Variants in MYO16 observed in about 807,000 individuals in gnomAD.
MYO16 encodes the protein myosin XVI.
In MYO16, 94 loss-of-function variants were observed where a neutral mutation model predicts 205.3. The ratio of observed to expected loss-of-function variants is 0.46; its 90% CI spans 0.39 to 0.54. The LOEUF (loss-of-function observed/expected upper bound fraction) is 0.54, where lower values mean the gene tolerates loss of function less well. Ranked by LOEUF, MYO16 falls within the 20% of genes least tolerant of loss-of-function variation. MYO16 has a pLI of 0.00. For synonymous variants in MYO16, 988 were observed against 954.0 expected (o/e 1.04, Z -0.66); for missense variants, 2,315 against 2,387.5 (o/e 0.97, Z 0.63).
chr13:109,128,284 G>A (rs1224985738), intron 31 of MYO16, among the ~76,000 whole-genome samples: 1 of 152,140 alleles, frequency 6.6e-6, no homozygotes, highest in Non-Finnish European at 1.5e-5. Flanking sequence ...AAAACAGATG[G>A]TAAACATAAT....
At chr13:109,115,258 A>C (rs1045543198) in intron 28 of MYO16, among the ~76,000 whole-genome samples, 4 of 151,192 alleles carry the variant, frequency 2.6e-5, no homozygotes, top group Non-Finnish European at 5.9e-5. Flanking sequence ...AAAAAAAAAA[A>C]AAAAAAAAAA....
intron 1 of MYO16, among the ~76,000 whole-genome samples, chr13:108,661,222 A>C (rs1881486515): frequency 6.6e-6 from 1 of 152,074 alleles, no homozygotes; most frequent in Non-Finnish European, 1.5e-5. Flanking sequence ...AAGATTCTTT[A>C]CTTCATCTTA....
At chr13:108,719,056 C>T (rs1158325643) in intron 3 of MYO16, among the ~76,000 whole-genome samples, 1 of 151,974 alleles carries the variant, frequency 6.6e-6, no homozygotes. Flanking sequence ...AAGAAAGGCC[C>T]CAGTGAAGAT....
chr13:108,803,765 A>G (rs989092253), intron 6 of MYO16, among the ~76,000 whole-genome samples: 1 of 152,136 alleles, frequency 6.6e-6, no homozygotes, highest in Non-Finnish European at 1.5e-5. Context: ...CCAGGAGGCA[A>G]TATGCCACAT....
At chr13:108,634,380 G>C (rs11069745) in intron 1 of MYO16, among the ~76,000 whole-genome samples, 52,557 of 151,982 alleles carry the variant, frequency 0.35, 9,152 homozygotes, top group South Asian at 0.45. Flanking sequence ...TCTGCCTCCT[G>C]CAAGCTTGCA....
chr13:108,684,324 G>GT (rs1458392758), intron 2 of MYO16, among the ~76,000 whole-genome samples: 4 of 152,182 alleles, frequency 2.6e-5, no homozygotes, highest in African/African-American at 9.6e-5. Flanking sequence ...GCAAGCCTGG[G>GT]TTAGTTTGGA....
intron 32 of MYO16, among the ~76,000 whole-genome samples, chr13:109,158,705 C>A (rs1289872549): frequency 6.6e-6 from 1 of 150,736 alleles, no homozygotes. Context: ...GAAGCATATG[C>A]AATTGGGGAA....
At position 109,206,623 on chromosome 13, in the gene MYO16, G is replaced by A. The variant is rs1278402054; in HGVS notation, c.5430G>A (p.Leu1810=). Reference sequence around the variant, plus strand: ...TCCTCCCACAGGTAATCCATCAGCTGAGGCTCTCAGAGAATGAAAGTGTGG... The same window carrying A: ...TCCTCCCACAGGTAATCCATCAGCTAAGGCTCTCAGAGAATGAAAGTGTGG... The part of the protein sequence containing the change: ...DSHTTQVIHQ[L]RLSENESVAL... Residue 1810 remains leucine, a synonymous_variant, in exon 35 of 35, where the codon CTG becomes CTA. Coordinates refer to ENST00000457511, the MANE Select transcript of MYO16 (RefSeq NM_001198950.3). 3 of 1,612,868 alleles carry A rather than the reference G, an allele frequency of 1.9e-6. No homozygotes were observed. Among genetic ancestry groups the A allele is most frequent in the Non-Finnish European group, 1.7e-6 (2 of 1,178,938 alleles).
intron 4 of MYO16, among the ~76,000 whole-genome samples, chr13:108,738,172 T>C (rs1300174959): frequency 3.3e-5 from 1 of 30,086 alleles, no homozygotes; most frequent in Non-Finnish European, 7.1e-5. Context: ...TCTTGCGTTC[T>C]GCTAGCTTTT....
chr13:108,599,649 C>T (rs1309964658), intron 1 of MYO16, among the ~76,000 whole-genome samples: 1 of 145,702 alleles, frequency 6.9e-6, no homozygotes, highest in Non-Finnish European at 1.5e-5. Context: ...GTAGAGCTAT[C>T]TCAAATGCAT....
the MYO16 span, among the ~76,000 whole-genome samples, chr13:108,576,754 T>C: frequency 6.6e-6 from 1 of 152,094 alleles, no homozygotes; most frequent in Non-Finnish European, 1.5e-5. Context: ...GTGTTTTTCT[T>C]TTCTTTCTTT....
rs1884374406 is a variant in MYO16, at chr13:108,727,347, G to A, written c.364-93G>A. On this transcript the variant is annotated intron_variant, in intron 3 of 34. Transcript: ENST00000457511. Reference sequence around the variant, plus strand: ...CTTCACCTCTCAACTCCCAAAATTGGTATTGAAGTTTTTTTTTAAATCTGT... The same window carrying A: ...CTTCACCTCTCAACTCCCAAAATTGATATTGAAGTTTTTTTTTAAATCTGT... The A allele has an allele frequency of 3.7e-6, 5 of 1,349,100 alleles. No individual in the cohort carries two copies. The South Asian group carries it at 4.3e-5, about 12-fold the overall frequency. The allele number at this position is 1,349,100 out of a possible 1,614,324, so 83.6% of individuals were successfully genotyped here.
At chr13:108,496,803 A>G in the MYO16 span, among the ~76,000 whole-genome samples, 4,712 of 152,284 alleles carry the variant, frequency 0.031, 213 homozygotes, top group African/African-American at 0.11. Flanking sequence ...CAGAAGAATT[A>G]TTAGCCATTG....
rs1472380146 is a variant in MYO16 at position 108,835,435 on chromosome 13, C to G, written c.1098-8908C>G. 3.9e-5 allele frequency among the ~76,000 whole-genome samples: 6 copies of G among 152,152 alleles called. No homozygotes were observed. In the East Asian group the frequency reaches 1.2e-3, roughly 29 times the overall value. On this transcript the variant is annotated intron_variant, in intron 9 of 34. Transcript: ENST00000457511. ...TAAACCTCTTTCCTTTATAAATTAC[C>G]CAGTCTCAGGTACGTCCTTATAGCA...
At chr13:108,578,745 C>A in the MYO16 span, among the ~76,000 whole-genome samples, 5 of 152,262 alleles carry the variant, frequency 3.3e-5, no homozygotes, top group South Asian at 8.3e-4. Context: ...TCACTAAGAG[C>A]ATTGCGACAT....
chr13:109,189,269 C>T (rs753231810), intron 34 of MYO16, among the ~76,000 whole-genome samples: 1 of 152,118 alleles, frequency 6.6e-6, no homozygotes, highest in Non-Finnish European at 1.5e-5. Context: ...TCCCAGTCCA[C>T]TGACTCAAAT....
At chr13:109,018,227 C>A (rs1181042488) in intron 22 of MYO16, among the ~76,000 whole-genome samples, 2 of 152,322 alleles carry the variant, frequency 1.3e-5, no homozygotes, top group East Asian at 3.9e-4. Flanking sequence ...TCAGGTCTCT[C>A]AGCTGCAGGT....
the MYO16 span, among the ~76,000 whole-genome samples, chr13:108,502,756 T>C: frequency 6.6e-6 from 1 of 152,162 alleles, no homozygotes; most frequent in African/African-American, 2.4e-5. Context: ...AGCAGCTGAG[T>C]AATATGTGGT....
intron 27 of MYO16, among the ~76,000 whole-genome samples, chr13:109,075,124 T>G (rs2139657033): frequency 6.6e-6 from 1 of 152,302 alleles, no homozygotes; most frequent in South Asian, 2.1e-4. Context: ...CAGTTTTGGG[T>G]TATTACAAGT....
Sources: allele counts gnomAD v4.1 joint callset (sites outside exome capture counted in the v4.1 genomes callset), GRCh38; gene constraint gnomAD v4.1.1; transcripts MANE v1.5; gene names NCBI Gene and HGNC (gene_info 2026-07-23, HGNC 2026-07-21).